Variants in CNOT9 observed in about 807,000 individuals in gnomAD.
CNOT9 encodes the protein CCR4-NOT transcription complex subunit 9, also known as RCD1 required for cell differentiation1 homolog.
A neutral mutation model predicts 37.4 loss-of-function variants in CNOT9; 8 were observed. The ratio of observed to expected loss-of-function variants is 0.21; its 90% CI spans 0.13 to 0.39. The LOEUF is 0.39. Among genes scored for constraint, CNOT9 ranks in the 10% least tolerant of loss-of-function variants. CNOT9 has a pLI of 1.00. For synonymous variants in CNOT9, 120 were observed against 137.6 expected (o/e 0.87, Z 0.90); for missense variants, 154 against 365.3 (o/e 0.42, Z 4.71).
chr2:218,569,081 T>G, intron 1 of CNOT9, 103 bp downstream of exon 1: 2 of 1,317,508 alleles, frequency 1.5e-6, no homozygotes, highest in Non-Finnish European at 2.1e-6. Flanking sequence ...TCTGATTTTT[T>G]TCTGCCCTCA....
At position 218,592,447 on chromosome 2, in the gene CNOT9, A is replaced by G. The variant is rs1405086074; in HGVS notation, c.639+45A>G. On this transcript the variant is annotated intron_variant, in intron 6 of 7. Coordinates refer to ENST00000273064, the MANE Select transcript of CNOT9 (RefSeq NM_005444.3). The surrounding 1 kb of genome is among the most constrained non-coding windows in gnomAD (Gnocchi z 4.1). Reference sequence around the variant, plus strand: ...CCCTTTACAACTACTTCTCATCACAAAGCTTAATCTCTTTATAACTGGCAT... The same window carrying G: ...CCCTTTACAACTACTTCTCATCACAGAGCTTAATCTCTTTATAACTGGCAT... 8 of 1,539,376 alleles carry G rather than the reference A, an allele frequency of 5.2e-6. No homozygotes were observed. The Admixed American group carries it at 6.7e-5, about 13-fold the overall frequency.
At chr2:218,586,223 G>A (rs1326582924) in intron 4 of CNOT9, among the ~76,000 whole-genome samples, 4 of 152,046 alleles carry the variant, frequency 2.6e-5, no homozygotes, top group African/African-American at 4.8e-5. Flanking sequence ...GGACTGAATT[G>A]TGTCCTCCCC....
chr2:218,590,265 C>T (rs1420696729), intron 5 of CNOT9, among the ~76,000 whole-genome samples: 3 of 152,090 alleles, frequency 2.0e-5, no homozygotes, highest in South Asian at 4.1e-4. Flanking sequence ...GATGGAGTTT[C>T]GCCATGTAGC....
At chr2:218,584,803 T>C in intron 4 of CNOT9, 82 bp downstream of exon 4, 2 of 945,334 alleles carry the variant, frequency 2.1e-6, no homozygotes, top group Non-Finnish European at 1.7e-6. Flanking sequence ...CCGGTTATGA[T>C]TTTTGTACAC....
At chr2:218,572,035 A>G (rs917402724) in intron 1 of CNOT9, among the ~76,000 whole-genome samples, 1 of 151,778 alleles carries the variant, frequency 6.6e-6, no homozygotes, top group Non-Finnish European at 1.5e-5. Flanking sequence ...GAATAACAAA[A>G]TGCGGCCGGG....
intron 4 of CNOT9, among the ~76,000 whole-genome samples, chr2:218,586,621 T>C (rs1694605997): frequency 6.6e-6 from 1 of 152,060 alleles, no homozygotes; most frequent in African/African-American, 2.4e-5. Context: ...CCCGAGTAGC[T>C]GGGACTACAG....
intron 1 of CNOT9, among the ~76,000 whole-genome samples, chr2:218,571,628 A>G (rs896959240): frequency 2.0e-5 from 3 of 151,106 alleles, no homozygotes; most frequent in Non-Finnish European, 4.4e-5. Context: ...CTGGTGTGCA[A>G]TAGCGAGATC....
intron 1 of CNOT9, among the ~76,000 whole-genome samples, chr2:218,571,238 C>T (rs778203675): frequency 6.6e-6 from 1 of 152,122 alleles, no homozygotes; most frequent in African/African-American, 2.4e-5. Context: ...ATCATTTCAG[C>T]TAGGGAGATA....
intron 1 of CNOT9, among the ~76,000 whole-genome samples, chr2:218,569,348 C>G (rs994041665): frequency 2.0e-5 from 3 of 152,216 alleles, no homozygotes; most frequent in Non-Finnish European, 4.4e-5. Flanking sequence ...GGCCCCTGCT[C>G]TTAGAACTCA....
At chr2:218,572,840 T>C in intron 1 of CNOT9, 1 of 276,328 alleles carries the variant, frequency 3.6e-6, no homozygotes, top group Non-Finnish European at 5.5e-6. Flanking sequence ...TCATTAGTTA[T>C]TTTACATCTT....
chr2:218,570,265 A>G (rs1693943126), intron 1 of CNOT9, among the ~76,000 whole-genome samples: 1 of 152,224 alleles, frequency 6.6e-6, no homozygotes, highest in Non-Finnish European at 1.5e-5. Context: ...AAAGTAATGT[A>G]CTGAAATTGT....
intron 4 of CNOT9, 116 bp downstream of exon 4, chr2:218,584,837 G>C: frequency 2.6e-6 from 2 of 755,628 alleles, no homozygotes; most frequent in Non-Finnish European, 4.7e-6. Flanking sequence ...TTGTCTTTGA[G>C]GTTGTCTCAT....
At chr2:218,593,024 A>C (rs925677018) in intron 7 of CNOT9, 6 of 313,034 alleles carry the variant, frequency 1.9e-5, no homozygotes, top group Non-Finnish European at 3.5e-5. Flanking sequence ...CAGAGAGAGA[A>C]GTATATTTTC....
intron 1 of CNOT9, chr2:218,574,063 G>C (rs540099171): frequency 4.7e-6 from 2 of 428,842 alleles, no homozygotes; most frequent in Non-Finnish European, 4.7e-6. Flanking sequence ...TCGACCTTCT[G>C]GGTTCAGTCG....
chr2:218,586,654 A>G (rs1425552675), intron 4 of CNOT9, among the ~76,000 whole-genome samples: 3 of 151,832 alleles, frequency 2.0e-5, no homozygotes, highest in African/African-American at 7.3e-5. Context: ...ACACCCGGCT[A>G]ATTTTTGTAT....
intron 1 of CNOT9, among the ~76,000 whole-genome samples, chr2:218,580,158 G>A (rs184703483): frequency 4.7e-4 from 71 of 151,950 alleles, no homozygotes; most frequent in African/African-American, 1.5e-3. Context: ...TAGTAGAGAC[G>A]GGGTTTCGCC....
chr2:218,586,282 G>C (rs1694595116), intron 4 of CNOT9, among the ~76,000 whole-genome samples: 1 of 152,108 alleles, frequency 6.6e-6, no homozygotes, highest in African/African-American at 2.4e-5. Flanking sequence ...GGTATTTGGA[G>C]ATGGGACCTT....
intron 1 of CNOT9, chr2:218,572,600 C>T (rs1694035435): frequency 1.2e-6 from 1 of 814,676 alleles, no homozygotes; most frequent in African/African-American, 1.9e-5. Flanking sequence ...TACCGCACTT[C>T]AGCTTAGGCG....
rs906298090 is a variant in CNOT9 at position 218,595,557 on chromosome 2, T to A, written c.*1281T>A. ...GCTCTTCACAATCCATAGGCTTGAA[T>A]CTGCAACCTAGTGTAAACTGCCTTG... On this transcript the variant is annotated 3_prime_UTR_variant, in exon 8 of 8. Coordinates refer to ENST00000273064, the MANE Select transcript of CNOT9 (RefSeq NM_005444.3). 1.3e-5 allele frequency: 2 copies of A among 151,866 alleles called. No individual in the cohort carries two copies. Among genetic ancestry groups the A allele is most frequent in the Non-Finnish European group, 2.9e-5 (2 of 67,976 alleles). The allele number at this position is 151,866 out of a possible 1,614,324, so 9.4% of individuals were successfully genotyped here.
Sources: allele counts gnomAD v4.1 joint callset (sites outside exome capture counted in the v4.1 genomes callset), GRCh38; gene constraint gnomAD v4.1.1; non-coding constraint Gnocchi (gnomAD v3.1); transcripts MANE v1.5; gene names NCBI Gene and HGNC (gene_info 2026-07-23, HGNC 2026-07-21).